Variants in TAX1BP1 observed in about 807,000 individuals in gnomAD.
The protein encoded by TAX1BP1 is Tax1 binding protein 1, also known as tax1-binding protein 1.
Under a neutral mutation model 97.7 loss-of-function variants are expected in TAX1BP1, and 62 were observed. The ratio of observed to expected loss-of-function variants is 0.63; its 90% CI spans 0.52 to 0.78. The LOEUF (loss-of-function observed/expected upper bound fraction) is 0.78. TAX1BP1 is among the 30% of genes least tolerant of loss of function. The probability of loss-of-function intolerance (pLI) is 0.00; values close to 1 mark genes in which losing one functional copy is unlikely to be tolerated. For synonymous variants in TAX1BP1, 340 were observed against 304.2 expected, an observed-to-expected ratio of 1.12 and a Z score of -1.23; for missense variants, 867 against 916.1, an observed-to-expected ratio of 0.95 and a Z score of 0.69.
At chr7:27,788,800 T>C (rs1477767522) in intron 8 of TAX1BP1, among the ~76,000 whole-genome samples, 1 of 152,044 alleles carries the variant, frequency 6.6e-6, no homozygotes, top group East Asian at 1.9e-4. Flanking sequence ...AGACCTGATA[T>C]TACCATTTCT....
intron 13 of TAX1BP1, among the ~76,000 whole-genome samples, chr7:27,804,386 C>A (rs76742021): frequency 6.8e-4 from 104 of 152,342 alleles, no homozygotes; most frequent in Non-Finnish European, 1.2e-3. Flanking sequence ...TAAGGACGAA[C>A]CTTCCTTTGT....
intron 5 of TAX1BP1, among the ~76,000 whole-genome samples, chr7:27,773,884 A>C (rs1265251910): frequency 6.6e-6 from 1 of 152,060 alleles, no homozygotes; most frequent in Non-Finnish European, 1.5e-5. Context: ...TTTTCAGTTA[A>C]TTTAGCTTAT....
At chr7:27,744,158 G>C (rs528674691) in intron 1 of TAX1BP1, among the ~76,000 whole-genome samples, 152 of 151,602 alleles carry the variant, frequency 1.0e-3, no homozygotes, top group African/African-American at 3.5e-3. Context: ...ACGGAGTCTC[G>C]CTGTCACCCA....
At chr7:27,773,862 C>T (rs1011922294) in intron 5 of TAX1BP1, among the ~76,000 whole-genome samples, 1 of 151,934 alleles carries the variant, frequency 6.6e-6, no homozygotes, top group African/African-American at 2.4e-5. Context: ...AAGAGCTGTG[C>T]CTCTGTTAAG....
intron 13 of TAX1BP1, among the ~76,000 whole-genome samples, chr7:27,801,720 TCATTA>T (rs1790144883): frequency 6.6e-6 from 1 of 152,212 alleles, no homozygotes; most frequent in South Asian, 2.1e-4. Context: ...TAATTTTATT[TCATTA>T]ATGTTAAAAG....
intron 1 of TAX1BP1, among the ~76,000 whole-genome samples, chr7:27,746,225 A>T (rs981900203): frequency 5.9e-5 from 9 of 152,158 alleles, no homozygotes; most frequent in African/African-American, 2.2e-4. Flanking sequence ...TTCTTACTGA[A>T]TATCTTTCTT....
rs189294773 is a variant in TAX1BP1 at position 27,822,078 on chromosome 7, A to T, written c.2085+5040A>T. ...CCAAAATCCGAAACTGAGTGCTGAC[A>T]TGATACTCAAAGGAAATGCTTACTG... On this transcript the variant is annotated intron_variant, in intron 15 of 16. Transcript: ENST00000396319. Among the ~76,000 whole-genome samples, 3 of 152,200 alleles carry T rather than the reference A, an allele frequency of 2.0e-5. No individual in the cohort carries two copies. In the South Asian group the frequency reaches 6.2e-4, roughly 31 times the overall value.
intron 13 of TAX1BP1, among the ~76,000 whole-genome samples, chr7:27,801,241 C>CTT (rs1562732145): frequency 9.5e-6 from 1 of 105,244 alleles, no homozygotes; most frequent in East Asian, 2.3e-4. Flanking sequence ...ATATAATTTA[C>CTT]ATTTTTTTTT....
intron 1 of TAX1BP1, among the ~76,000 whole-genome samples, chr7:27,746,715 A>G (rs1425468499): frequency 2.3e-5 from 3 of 128,892 alleles, no homozygotes; most frequent in Non-Finnish European, 5.3e-5. Flanking sequence ...GCTACTGAAT[A>G]TACTCTTTAT....
intron 1 of TAX1BP1, among the ~76,000 whole-genome samples, chr7:27,744,672 T>C (rs1260818374): frequency 6.6e-6 from 1 of 152,166 alleles, no homozygotes; most frequent in East Asian, 1.9e-4. Context: ...AAAACAAGTA[T>C]TGGGAACCAC....
intron 1 of TAX1BP1, among the ~76,000 whole-genome samples, chr7:27,747,836 G>T (rs1787881684): frequency 6.6e-6 from 1 of 151,912 alleles, no homozygotes; most frequent in Non-Finnish European, 1.5e-5. Context: ...CACACTCCCA[G>T]GCCCCAATCC....
intron 3 of TAX1BP1, among the ~76,000 whole-genome samples, chr7:27,763,795 A>G (rs1455719906): frequency 1.3e-5 from 2 of 152,116 alleles, no homozygotes; most frequent in African/African-American, 2.4e-5. Context: ...CAGACCTTGA[A>G]TACCTAGTTT....
intron 1 of TAX1BP1, among the ~76,000 whole-genome samples, chr7:27,741,738 C>A (rs923012164): frequency 3.3e-5 from 5 of 152,112 alleles, no homozygotes; most frequent in Non-Finnish European, 7.4e-5. Context: ...GAAAAAGACA[C>A]AAAGTACAGA....
intron 5 of TAX1BP1, among the ~76,000 whole-genome samples, chr7:27,776,468 G>T (rs993428161): frequency 2.6e-5 from 4 of 152,016 alleles, no homozygotes; most frequent in Admixed American, 2.0e-4. Context: ...TAGAAATGTG[G>T]TTCTTCTCAC....
intron 5 of TAX1BP1, 23 bp downstream of exon 5, chr7:27,769,857 G>A (rs1788779969): frequency 1.2e-6 from 2 of 1,607,562 alleles, no homozygotes; most frequent in African/African-American, 1.3e-5. Flanking sequence ...TTATGTAACT[G>A]ATTGAAGTTG....
chr7:27,742,053 C>T (rs896573345), intron 1 of TAX1BP1, among the ~76,000 whole-genome samples: 1 of 152,236 alleles, frequency 6.6e-6, no homozygotes, highest in Non-Finnish European at 1.5e-5. Context: ...GGCGGTTTTT[C>T]CCTATCTCAG....
At chr7:27,811,965 C>T (rs574074752) in intron 13 of TAX1BP1, among the ~76,000 whole-genome samples, 22 of 152,244 alleles carry the variant, frequency 1.4e-4, no homozygotes, top group African/African-American at 5.3e-4. Context: ...AACATTCTTA[C>T]GTAAGTCTTT....
chr7:27,792,363 GT>G (rs1789751495), intron 9 of TAX1BP1, 133 bp downstream of exon 9: 3 of 857,904 alleles, frequency 3.5e-6, no homozygotes, highest in Non-Finnish European at 3.5e-6. Context: ...CATTCCTTTT[GT>G]TTAGTCATTG....
chr7:27,828,069 G>T (rs1791253891), intron 16 of TAX1BP1, among the ~76,000 whole-genome samples: 1 of 152,208 alleles, frequency 6.6e-6, no homozygotes. Context: ...TCAAATGCAT[G>T]TATTGTCTGT....
Sources: allele counts gnomAD v4.1 joint callset (sites outside exome capture counted in the v4.1 genomes callset), GRCh38; gene constraint gnomAD v4.1.1; transcripts MANE v1.5; gene names NCBI Gene and HGNC (gene_info 2026-07-23, HGNC 2026-07-21).